LCORL: variants seen among roughly 807,000 people sequenced by gnomAD.
LCORL encodes ligand dependent nuclear receptor corepressor like.
A neutral mutation model predicts 141.8 loss-of-function variants in LCORL; 41 were observed. The observed-to-expected ratio is 0.29, with a 90% CI of 0.23 to 0.38. The LOEUF (loss-of-function observed/expected upper bound fraction) is 0.38. LCORL is among the 10% of genes least tolerant of loss of function. LCORL has a pLI of 1.00. For missense variants in LCORL, 1,759 were observed against 2,035.0 expected (o/e 0.86, Z 2.61); for synonymous variants, 618 against 694.1 (o/e 0.89, Z 1.72).
intron 4 of LCORL, among the ~76,000 whole-genome samples, chr4:17,942,005 G>A (rs1360089870): frequency 6.6e-6 from 1 of 152,144 alleles, no homozygotes; most frequent in Non-Finnish European, 1.5e-5. Context: ...CTATTGTGGA[G>A]AATTATAGTT....
At chr4:17,989,488 G>C (rs1719597052) in intron 1 of LCORL, among the ~76,000 whole-genome samples, 1 of 152,168 alleles carries the variant, frequency 6.6e-6, no homozygotes, top group African/African-American at 2.4e-5. Flanking sequence ...GAAAGTAATA[G>C]ACAGTGAATT....
intron 7 of LCORL, among the ~76,000 whole-genome samples, chr4:17,857,298 C>T (rs1354924006): frequency 6.6e-6 from 1 of 152,064 alleles, no homozygotes; most frequent in Non-Finnish European, 1.5e-5. Context: ...AGGAGACAGA[C>T]AGATCTGCAG....
At chr4:17,952,492 T>G (rs1260197601) in intron 4 of LCORL, among the ~76,000 whole-genome samples, 1 of 150,818 alleles carries the variant, frequency 6.6e-6, no homozygotes, top group Admixed American at 6.6e-5. Context: ...CTCGGCTCAC[T>G]GCAAGCTCTG....
intron 4 of LCORL, among the ~76,000 whole-genome samples, chr4:17,960,086 A>T (rs959535053): frequency 1.3e-5 from 2 of 152,190 alleles, no homozygotes; most frequent in African/African-American, 2.4e-5. Context: ...ACAAGCAGAA[A>T]AACTTTTATG....
intron 4 of LCORL, among the ~76,000 whole-genome samples, chr4:17,926,404 CCT>C (rs1291971836): frequency 6.6e-6 from 1 of 152,174 alleles, no homozygotes; most frequent in African/African-American, 2.4e-5. Flanking sequence ...TTCTCGCCTT[CCT>C]CTTTCTCCTG....
intron 1 of LCORL, among the ~76,000 whole-genome samples, chr4:18,007,648 T>C (rs754254230): frequency 1.3e-5 from 2 of 152,172 alleles, no homozygotes; most frequent in African/African-American, 2.4e-5. Flanking sequence ...GAAGAAAATA[T>C]AAGCAAAAGG....
At chr4:17,991,867 A>G (rs552002872) in intron 1 of LCORL, among the ~76,000 whole-genome samples, 4 of 149,668 alleles carry the variant, frequency 2.7e-5, no homozygotes, top group Admixed American at 6.7e-5. Flanking sequence ...ACTTTGCTCA[A>G]TCTAATCTCT....
intron 4 of LCORL, among the ~76,000 whole-genome samples, chr4:17,957,223 T>C (rs1486595351): frequency 6.6e-6 from 1 of 151,966 alleles, no homozygotes; most frequent in Non-Finnish European, 1.5e-5. Context: ...ATGGAATACT[T>C]TAATGCCATG....
chr4:17,858,654 G>A (rs1340758269), intron 7 of LCORL, among the ~76,000 whole-genome samples: 2 of 151,802 alleles, frequency 1.3e-5, no homozygotes, highest in Admixed American at 1.3e-4. Flanking sequence ...CTTGAACCAG[G>A]GAGGTGGAGG....
chr4:17,975,675 C>T (rs1560428826), intron 1 of LCORL, among the ~76,000 whole-genome samples: 3 of 152,138 alleles, frequency 2.0e-5, no homozygotes, highest in Admixed American at 6.5e-5. Context: ...GGATTACAGA[C>T]GTGAGCCACT....
chr4:17,845,762 A>G, exon 8 of LCORL: 1 of 1,613,512 alleles, frequency 6.2e-7, no homozygotes, highest in Non-Finnish European at 8.5e-7. Context: ...TGAACTGTAC[A>G]GCTCGTTAGA....
At chr4:17,960,905 T>C (rs1713641757) in intron 4 of LCORL, among the ~76,000 whole-genome samples, 1 of 140,040 alleles carries the variant, frequency 7.1e-6, no homozygotes, top group East Asian at 2.0e-4. Context: ...CTTTAAATTA[T>C]ATTAAGACTC....
At chr4:17,904,329 A>G (rs1731304220) in intron 5 of LCORL, among the ~76,000 whole-genome samples, 1 of 152,110 alleles carries the variant, frequency 6.6e-6, no homozygotes, top group South Asian at 2.1e-4. Flanking sequence ...TAGTTTTGTT[A>G]GCTGAATGCT....
chr4:18,018,198 T>C (rs751922351), intron 1 of LCORL, among the ~76,000 whole-genome samples: 1 of 152,148 alleles, frequency 6.6e-6, no homozygotes, highest in Admixed American at 6.5e-5. Context: ...TTTTAAATTG[T>C]ATGACTTATC....
intron 4 of LCORL, among the ~76,000 whole-genome samples, chr4:17,945,722 G>C (rs1376367747): frequency 6.6e-6 from 1 of 151,746 alleles, no homozygotes; most frequent in Non-Finnish European, 1.5e-5. Context: ...AGGAAATAAA[G>C]TTTTAAGAAT....
At chr4:17,863,805 T>C (rs1232067864) in intron 7 of LCORL, among the ~76,000 whole-genome samples, 4 of 152,210 alleles carry the variant, frequency 2.6e-5, no homozygotes, top group Non-Finnish European at 4.4e-5. Context: ...AACGGAATAC[T>C]ATGCAGCCAT....
At chr4:17,880,326 G>A (rs1727396378) in intron 6 of LCORL, 1 of 504,900 alleles carries the variant, frequency 2.0e-6, no homozygotes, top group African/African-American at 2.1e-5. Flanking sequence ...AATAATAGTT[G>A]AACACACATA....
exon 8 of LCORL, chr4:17,844,936 AT>A (rs1417559241): frequency 6.6e-6 from 1 of 152,118 alleles, no homozygotes; most frequent in African/African-American, 2.4e-5. Flanking sequence ...GCTTTGCACT[AT>A]TAAAGGTAGG....
chr4:18,020,394 T>C (rs1337669469), intron 1 of LCORL: 2 of 151,710 alleles, frequency 1.3e-5, no homozygotes, highest in Non-Finnish European at 2.9e-5. Flanking sequence ...GCTGCCACTA[T>C]CCACTGCTTA....
Sources: gnomAD v4.1 joint callset for allele counts (sites outside exome capture counted in the v4.1 genomes callset) on GRCh38, gnomAD v4.1.1 for gene constraint, MANE v1.5 for transcripts, NCBI Gene and HGNC (gene_info 2026-07-23, HGNC 2026-07-21) for gene names.